HOOK3: variants seen among roughly 807,000 people sequenced by gnomAD.
The protein encoded by HOOK3 is hook microtubule tethering protein 3, also known as protein Hook homolog 3.
HOOK3 carries 24 observed loss-of-function variants against 116.3 expected under a neutral mutation model. That is an observed-to-expected ratio of 0.21 (90% CI 0.15 to 0.29). HOOK3 has a LOEUF of 0.29. HOOK3 is among the 10% of genes least tolerant of loss of function. The pLI is 1.00. For synonymous variants in HOOK3, 275 were observed against 283.0 expected (o/e 0.97, Z 0.28); for missense variants, 632 against 830.2 (o/e 0.76, Z 2.93).
At chr8:42,917,428 G>A (rs905683391) in intron 2 of HOOK3, among the ~76,000 whole-genome samples, 3 of 152,224 alleles carry the variant, frequency 2.0e-5, no homozygotes, top group African/African-American at 4.8e-5. Context: ...CTAATAAATC[G>A]GTTGGTTCCT....
intron 2 of HOOK3, among the ~76,000 whole-genome samples, chr8:42,922,357 C>G (rs1177840002): frequency 6.6e-6 from 1 of 151,328 alleles, no homozygotes; most frequent in East Asian, 1.9e-4. Context: ...GCCTGAGCAA[C>G]ATGGTGAGAC....
intron 2 of HOOK3, among the ~76,000 whole-genome samples, chr8:42,906,698 G>A (rs1807317914): frequency 6.6e-6 from 1 of 152,118 alleles, no homozygotes; most frequent in Non-Finnish European, 1.5e-5. Context: ...CTTCTTTCAA[G>A]TTTGTGACAC....
intron 2 of HOOK3, among the ~76,000 whole-genome samples, chr8:42,907,720 A>G (rs1563288211): frequency 1.3e-5 from 2 of 149,800 alleles, no homozygotes; most frequent in Admixed American, 6.7e-5. Context: ...AAGAAAGTAT[A>G]TATATATATT....
chr8:43,001,965 C>T, intron 16 of HOOK3, 142 bp from the exon 17 acceptor site: 1 of 575,246 alleles, frequency 1.7e-6, no homozygotes, highest in South Asian at 2.1e-5. Context: ...AACTGGGGTA[C>T]ATTGTGTGTT....
chr8:42,967,566 A>G (rs1808654286), intron 10 of HOOK3, among the ~76,000 whole-genome samples: 1 of 152,030 alleles, frequency 6.6e-6, no homozygotes, highest in Non-Finnish European at 1.5e-5. Context: ...ACACATGCAC[A>G]CGCGCATTTA....
intron 6 of HOOK3, among the ~76,000 whole-genome samples, chr8:42,956,580 A>AT (rs1488421673): frequency 6.6e-6 from 1 of 151,124 alleles, no homozygotes; most frequent in African/African-American, 2.4e-5. Context: ...GTTTATTTTA[A>AT]TTTTGTTTTT....
intron 1 of HOOK3, among the ~76,000 whole-genome samples, chr8:42,900,970 AT>A (rs1807174816): frequency 6.6e-6 from 1 of 152,196 alleles, no homozygotes; most frequent in African/African-American, 2.4e-5. Flanking sequence ...TAGGGACCAC[AT>A]TTTGAGGACC....
At chr8:42,959,718 G>GAAA (rs529721762) in intron 8 of HOOK3, among the ~76,000 whole-genome samples, 2 of 29,038 alleles carry the variant, frequency 6.9e-5, no homozygotes, top group African/African-American at 1.3e-4. Flanking sequence ...GACTACATCT[G>GAAA]AAAAAAAAAA....
At chr8:42,989,905 A>G (rs1390161075) in intron 15 of HOOK3, among the ~76,000 whole-genome samples, 1 of 152,236 alleles carries the variant, frequency 6.6e-6, no homozygotes, top group East Asian at 1.9e-4. Context: ...ATGTTTTTGC[A>G]AATGACAGGA....
intron 5 of HOOK3, among the ~76,000 whole-genome samples, chr8:42,946,513 G>A (rs923443653): frequency 1.8e-4 from 27 of 151,264 alleles, no homozygotes; most frequent in East Asian, 1.9e-4. Context: ...TGTTGAAGAC[G>A]ATGAATTTTT....
At chr8:42,938,217 C>CTTTTTTTTTTTTTTTT (rs145868661) in intron 4 of HOOK3, among the ~76,000 whole-genome samples, 10 of 132,292 alleles carry the variant, frequency 7.6e-5, no homozygotes, top group Non-Finnish European at 9.7e-5. Context: ...GCAACCCCTG[C>CTTTTTTTTTTTTTTTT]TTTTTTTTTT....
chr8:42,918,548 G>A (rs1216165190), intron 2 of HOOK3, among the ~76,000 whole-genome samples: 1 of 152,058 alleles, frequency 6.6e-6, no homozygotes, highest in Non-Finnish European at 1.5e-5. Context: ...AAAGGTCTCT[G>A]GTTTTCCTAG....
At chr8:43,016,397 G>C (rs1035309236) in intron 21 of HOOK3, among the ~76,000 whole-genome samples, 6 of 152,152 alleles carry the variant, frequency 3.9e-5, no homozygotes, top group Non-Finnish European at 5.9e-5. Flanking sequence ...TGGGATTACA[G>C]GCATGAGCCA....
chr8:42,906,170 C>A lies in HOOK3; in HGVS notation c.58-3C>A. ...TCCCCCCCCCCTCTTTTTTTCCCTT[C>A]AGATCCAGACATTTAATGTGGATGC... On this transcript the variant is annotated splice_region_variant and splice_polypyrimidine_tract_variant and intron_variant, in intron 1 of 21. Transcript: ENST00000307602. 2 of 699,788 alleles carry A rather than the reference C, an allele frequency of 2.9e-6. No individual in the cohort carries two copies. The highest frequency in any genetic ancestry group is 4.7e-6 in the Non-Finnish European group (2 of 429,160). The allele number at this position is 699,788 out of a possible 1,614,324, so 43.3% of individuals were successfully genotyped here.
intron 1 of HOOK3, among the ~76,000 whole-genome samples, chr8:42,898,322 G>T (rs1807097195): frequency 6.6e-6 from 1 of 152,194 alleles, no homozygotes; most frequent in Non-Finnish European, 1.5e-5. Flanking sequence ...TTGCATATCA[G>T]ACCATTTAGG....
intron 19 of HOOK3, among the ~76,000 whole-genome samples, chr8:43,011,428 G>GCCT (rs1809610123): frequency 6.6e-6 from 1 of 151,862 alleles, no homozygotes; most frequent in African/African-American, 2.4e-5. Context: ...CTTTAAAATA[G>GCCT]CCTCCCAAAT....
chr8:42,914,439 A>G (rs1486153080), intron 2 of HOOK3, among the ~76,000 whole-genome samples: 1 of 152,094 alleles, frequency 6.6e-6, no homozygotes, highest in Non-Finnish European at 1.5e-5. Context: ...TCCATCCACA[A>G]TCTGTTTTCT....
Position 42,964,491 on chromosome 8 carries a change from T to C in HOOK3, c.779+17T>C, listed in dbSNP as rs754121501. 6.2e-7 allele frequency: 1 copy of C among 1,603,882 alleles called. No homozygotes were observed. Among genetic ancestry groups the C allele is most frequent in the Non-Finnish European group, 8.5e-7 (1 of 1,176,532 alleles). On this transcript the variant is annotated intron_variant, in intron 9 of 21. Coordinates refer to ENST00000307602, the MANE Select transcript of HOOK3 (RefSeq NM_032410.4). ...AACATTCAGGTAAAAGACAACTCATTAAAATCTGATTTTTAAAAATTTGTT... is the reference window on the plus strand; with the variant it reads ...AACATTCAGGTAAAAGACAACTCATCAAAATCTGATTTTTAAAAATTTGTT...
chr8:42,902,161 C>T (rs1042608976), intron 1 of HOOK3, among the ~76,000 whole-genome samples: 2 of 152,116 alleles, frequency 1.3e-5, no homozygotes, highest in African/African-American at 4.8e-5. Context: ...CAAACCAGTG[C>T]CCAGCTGTGT....
Sources: gnomAD v4.1 joint callset for allele counts (sites outside exome capture counted in the v4.1 genomes callset) on GRCh38, gnomAD v4.1.1 for gene constraint, MANE v1.5 for transcripts, NCBI Gene and HGNC (gene_info 2026-07-23, HGNC 2026-07-21) for gene names.